Variants in DYM observed in about 807,000 individuals in gnomAD.
The protein encoded by DYM is dyggve-Melchior-Clausen syndrome protein.
A neutral mutation model predicts 93.1 loss-of-function variants in DYM; 78 were observed. The ratio of observed to expected loss-of-function variants is 0.84; its 90% CI spans 0.70 to 1.01. The LOEUF (loss-of-function observed/expected upper bound fraction) is 1.01, where lower values mean the gene tolerates loss of function less well. Among genes scored for constraint, DYM ranks in the 50% least tolerant of loss-of-function variants. The probability of loss-of-function intolerance (pLI) is 0.00; values close to 1 mark genes in which losing one functional copy is unlikely to be tolerated. For synonymous variants in DYM, 321 were observed against 319.7 expected (o/e 1.00, Z -0.04); for missense variants, 789 against 845.0 (o/e 0.93, Z 0.82).
intron 8 of DYM, among the ~76,000 whole-genome samples, chr18:49,299,380 A>C (rs1307508850): frequency 1.3e-5 from 2 of 152,244 alleles, no homozygotes; most frequent in African/African-American, 4.8e-5. Flanking sequence ...GGATGTGGCT[A>C]AAGTTTTGGA....
At chr18:49,424,499 C>G (rs1417734638) in intron 2 of DYM, among the ~76,000 whole-genome samples, 3 of 151,942 alleles carry the variant, frequency 2.0e-5, no homozygotes, top group African/African-American at 7.3e-5. Context: ...GACAGGGATG[C>G]CTTCTCTCAC....
chr18:49,273,368 T>A (rs576101091), intron 10 of DYM, among the ~76,000 whole-genome samples: 110 of 152,310 alleles, frequency 7.2e-4, no homozygotes, highest in Non-Finnish European at 1.4e-3. Context: ...TTGTCAAACA[T>A]AATACATTGT....
intron 14 of DYM, among the ~76,000 whole-genome samples, chr18:49,174,991 G>C (rs897298902): frequency 6.6e-6 from 1 of 152,132 alleles, no homozygotes; most frequent in Non-Finnish European, 1.5e-5. Flanking sequence ...TATGAAACTT[G>C]TCTCTTTTTA....
At chr18:49,050,189 C>A (rs1296409853) in intron 17 of DYM, among the ~76,000 whole-genome samples, 2 of 150,378 alleles carry the variant, frequency 1.3e-5, no homozygotes, top group Non-Finnish European at 2.9e-5. Context: ...CGGGTTCAAG[C>A]AATTGTCCTG....
chr18:49,187,754 T>A (rs998453632), intron 14 of DYM, among the ~76,000 whole-genome samples: 1 of 152,150 alleles, frequency 6.6e-6, no homozygotes, highest in Non-Finnish European at 1.5e-5. Context: ...TGTCATTTGG[T>A]TATGTAAGAG....
At chr18:49,300,973 G>A (rs1344718599) in intron 8 of DYM, among the ~76,000 whole-genome samples, 1 of 152,098 alleles carries the variant, frequency 6.6e-6, no homozygotes, top group Non-Finnish European at 1.5e-5. Flanking sequence ...CCTGAGTTAT[G>A]GAGCACGGTG....
chr18:49,248,594 G>A (rs1277103832), intron 13 of DYM, among the ~76,000 whole-genome samples: 1 of 151,552 alleles, frequency 6.6e-6, no homozygotes, highest in Non-Finnish European at 1.5e-5. Flanking sequence ...TGACTACAGT[G>A]CTAACAATAA....
At chr18:49,189,624 A>G (rs1450043485) in intron 14 of DYM, among the ~76,000 whole-genome samples, 1 of 152,230 alleles carries the variant, frequency 6.6e-6, no homozygotes, top group Non-Finnish European at 1.5e-5. Context: ...TTACATTTAC[A>G]CTTTGTAACC....
At chr18:49,243,263 T>C (rs1293281922) in intron 13 of DYM, among the ~76,000 whole-genome samples, 2 of 152,152 alleles carry the variant, frequency 1.3e-5, no homozygotes, top group East Asian at 1.9e-4. Context: ...ATGGTGTGAA[T>C]TGCCAATGCC....
intron 1 of DYM, among the ~76,000 whole-genome samples, chr18:49,453,480 G>C (rs544515644): frequency 6.6e-6 from 1 of 152,084 alleles, no homozygotes; most frequent in African/African-American, 2.4e-5. Context: ...TGAAGCCAGC[G>C]AGAGCACGAA....
intron 16 of DYM, among the ~76,000 whole-genome samples, chr18:49,100,254 G>C (rs1442291042): frequency 6.6e-6 from 1 of 151,914 alleles, no homozygotes; most frequent in Non-Finnish European, 1.5e-5. Flanking sequence ...CAATCTCTGG[G>C]GCATGTGGAG....
chr18:49,064,657 G>C (rs2076249334), intron 17 of DYM, among the ~76,000 whole-genome samples: 2 of 152,156 alleles, frequency 1.3e-5, no homozygotes, highest in African/African-American at 4.8e-5. Flanking sequence ...TATATGTGGA[G>C]AGGCTAGCAG....
At chr18:49,317,692 T>TTCCCTC (rs1568237353) in intron 8 of DYM, among the ~76,000 whole-genome samples, 10 of 39,380 alleles carry the variant, frequency 2.5e-4, no homozygotes, top group Non-Finnish European at 5.1e-4. Context: ...TTCCTTCCTT[T>TTCCCTC]CTTTCTTTCT....
At chr18:49,267,855 C>A (rs1297371212) in intron 11 of DYM, among the ~76,000 whole-genome samples, 1 of 152,166 alleles carries the variant, frequency 6.6e-6, no homozygotes, top group East Asian at 1.9e-4. Context: ...CTGGATCCTG[C>A]CACTGCACTC....
chr18:49,120,742 TTACA>T (rs2082309412), intron 15 of DYM, among the ~76,000 whole-genome samples: 1 of 152,220 alleles, frequency 6.6e-6, no homozygotes, highest in Non-Finnish European at 1.5e-5. Flanking sequence ...ATCTGGCTCT[TTACA>T]GAAAAAGTTT....
Position 49,074,203 on chromosome 18 carries a change from GA to G in DYM, c.2025+23198del, listed in dbSNP as rs796609153. Among the ~76,000 whole-genome samples, 110 of 152,160 alleles carry G rather than the reference GA, an allele frequency of 7.2e-4. 2 individuals carry two copies. The highest frequency in any genetic ancestry group is 2.6e-3 in the African/African-American group (109 of 41,516). ...AACCATGGATTTAAAATATTCTGAG[GA>G]AAAAACAAGGATAGTTGCATCTGCA... is the stretch of plus-strand genomic sequence containing the variant. On this transcript the variant is annotated intron_variant, in intron 17 of 17. Coordinates refer to ENST00000675505, the MANE Select transcript of DYM (RefSeq NM_001353214.3).
At chr18:49,289,727 G>GTATATATATATATATA (rs386387632) in intron 8 of DYM, among the ~76,000 whole-genome samples, 5 of 85,070 alleles carry the variant, frequency 5.9e-5, no homozygotes, top group Admixed American at 1.5e-4. Flanking sequence ...ATATATATGT[G>GTATATATATATATATA]TATATATATA....
intron 13 of DYM, among the ~76,000 whole-genome samples, chr18:49,238,791 C>CAAA (rs796615887): frequency 1.1e-5 from 1 of 93,998 alleles, no homozygotes; most frequent in African/African-American, 3.8e-5. Flanking sequence ...GACTCCGTCT[C>CAAA]AAAAAAAAAA....
intron 5 of DYM, among the ~76,000 whole-genome samples, chr18:49,368,198 A>T (rs1157580501): frequency 6.6e-6 from 1 of 152,202 alleles, no homozygotes; most frequent in Non-Finnish European, 1.5e-5. Context: ...AATGTTTCTA[A>T]TTACCCTAAA....
Sources: gnomAD v4.1 joint callset for allele counts (sites outside exome capture counted in the v4.1 genomes callset) on GRCh38, gnomAD v4.1.1 for gene constraint, MANE v1.5 for transcripts, NCBI Gene and HGNC (gene_info 2026-07-23, HGNC 2026-07-21) for gene names.